Variants in CDK15 observed in about 807,000 individuals in gnomAD.
The protein encoded by CDK15 is cyclin dependent kinase 15, also known as cyclin-dependent kinase 15.
CDK15 carries 62 observed loss-of-function variants against 60.3 expected under a neutral mutation model. The ratio of observed to expected loss-of-function variants is 1.03; its 90% confidence interval spans 0.84 to 1.27. The LOEUF is 1.27. Among genes scored for constraint, CDK15 ranks in the 50% most tolerant of loss-of-function variants. The probability of loss-of-function intolerance (pLI) is 0.00; values close to 1 mark genes in which losing one functional copy is unlikely to be tolerated. For synonymous variants in CDK15, 194 were observed against 195.7 expected, an observed-to-expected ratio of 0.99 and a Z score of 0.07; for missense variants, 541 against 527.8, an observed-to-expected ratio of 1.03 and a Z score of -0.25.
At chr2:201,867,727 G>T (rs942491753) in intron 10 of CDK15, among the ~76,000 whole-genome samples, 1 of 151,464 alleles carries the variant, frequency 6.6e-6, no homozygotes, top group Non-Finnish European at 1.5e-5. Flanking sequence ...TTCCTTTCTC[G>T]TAAAGGTTTC....
intron 11 of CDK15, among the ~76,000 whole-genome samples, chr2:201,876,901 G>A (rs1291830022): frequency 2.6e-5 from 4 of 152,124 alleles, no homozygotes; most frequent in African/African-American, 4.8e-5. Flanking sequence ...GGGCTCAGGT[G>A]ATTCTCCCGC....
intron 8 of CDK15, among the ~76,000 whole-genome samples, chr2:201,838,786 A>C (rs958869640): frequency 1.2e-4 from 19 of 152,152 alleles, no homozygotes; most frequent in African/African-American, 4.1e-4. Context: ...CTGTCCTATC[A>C]ACTGTGTCCC....
At chr2:201,826,333 G>A (rs557379052) in intron 6 of CDK15, among the ~76,000 whole-genome samples, 41 of 152,022 alleles carry the variant, frequency 2.7e-4, no homozygotes, top group Admixed American at 1.6e-3. Context: ...GGTGGCGGGC[G>A]CCTGTAGTCC....
At position 201,826,704 on chromosome 2, in the gene CDK15, T is replaced by A. The variant is rs143669516; in HGVS notation, c.606+2977T>A. ...GAAATCAATATGGTGGTTAGCAACC[T>A]GCATTTTAAAAAATGAAATAAATGG... On this transcript the variant is annotated intron_variant, in intron 6 of 13. Coordinates refer to ENST00000652192, the MANE Select transcript of CDK15 (RefSeq NM_001366386.2). Among the ~76,000 whole-genome samples the A allele has an allele frequency of 4.9e-4, 75 of 152,306 alleles. 1 individual carries two copies. Among genetic ancestry groups the A allele is most frequent in the African/African-American group, 1.8e-3 (73 of 41,574 alleles).
intron 4 of CDK15, among the ~76,000 whole-genome samples, chr2:201,817,464 T>C (rs537257932): frequency 6.6e-6 from 1 of 152,252 alleles, no homozygotes; most frequent in Non-Finnish European, 1.5e-5. Flanking sequence ...CATCATGTTG[T>C]ATATTCATCA....
chr2:201,883,730 A>C (rs905527856), intron 12 of CDK15, among the ~76,000 whole-genome samples: 1 of 152,214 alleles, frequency 6.6e-6, no homozygotes, highest in Non-Finnish European at 1.5e-5. Flanking sequence ...ATGGCCAGGG[A>C]GTCGCTCTTC....
At chr2:201,858,599 T>A (rs1338267121) in intron 10 of CDK15, among the ~76,000 whole-genome samples, 1 of 152,156 alleles carries the variant, frequency 6.6e-6, no homozygotes, top group African/African-American at 2.4e-5. Flanking sequence ...TCTTTTCTCT[T>A]GGGATAGCTT....
chr2:201,875,352 C>G (rs912645009), intron 11 of CDK15, among the ~76,000 whole-genome samples: 1 of 149,270 alleles, frequency 6.7e-6, no homozygotes, highest in Non-Finnish European at 1.5e-5. Flanking sequence ...ATTGGTACAG[C>G]TCTTCTAGCT....
intron 8 of CDK15, among the ~76,000 whole-genome samples, chr2:201,845,769 C>T (rs2105771146): frequency 6.7e-6 from 1 of 150,358 alleles, no homozygotes; most frequent in South Asian, 2.1e-4. Flanking sequence ...TCATGCCACA[C>T]AAAAATGGCA....
chr2:201,821,216 A>C (rs1696205491), intron 4 of CDK15, among the ~76,000 whole-genome samples: 1 of 152,084 alleles, frequency 6.6e-6, no homozygotes, highest in South Asian at 2.1e-4. Context: ...GGGCTCTGCC[A>C]AACTTGGGTT....
At chr2:201,818,380 A>G (rs910995850) in intron 4 of CDK15, among the ~76,000 whole-genome samples, 2 of 152,240 alleles carry the variant, frequency 1.3e-5, no homozygotes, top group African/African-American at 4.8e-5. Context: ...ATACATTAAT[A>G]ATAAAAAAAC....
At chr2:201,858,799 AGAGGGAGGAG>A (rs1698255350) in intron 10 of CDK15, among the ~76,000 whole-genome samples, 1 of 152,164 alleles carries the variant, frequency 6.6e-6, no homozygotes, top group Non-Finnish European at 1.5e-5. Flanking sequence ...TCTTGAAAAA[AGAGGGAGGAG>A]AAAAAAGTGT....
Position 201,835,646 on chromosome 2 carries a change from T to A in CDK15, c.734T>A (p.Leu245His). 1 of 1,605,114 alleles carries A rather than the reference T, an allele frequency of 6.2e-7. No individual in the cohort carries two copies. Among genetic ancestry groups the A allele is most frequent in the South Asian group, 1.1e-5 (1 of 90,112 alleles). The part of the protein sequence containing the change: ...LGELKLADFG[L>H]ARAKSIPSQT... ...TATGCTTTTCCCTTTTGGACAGGTC[T>A]TGCCCGGGCCAAGTCCATTCCCAGC... is the stretch of plus-strand genomic sequence containing the variant. The change falls in exon 8 of 14, where the codon CTT (leucine) becomes CAT (histidine). Residue 245 changes from leucine to histidine, a missense_variant. Coordinates refer to ENST00000652192, the MANE Select transcript of CDK15 (RefSeq NM_001366386.2).
intron 11 of CDK15, among the ~76,000 whole-genome samples, chr2:201,873,667 C>T (rs1698950089): frequency 6.6e-6 from 1 of 152,226 alleles, no homozygotes. Context: ...CGATATAGCA[C>T]CCATGGCCTC....
chr2:201,876,867 G>A (rs1699099306), intron 11 of CDK15, among the ~76,000 whole-genome samples: 1 of 152,112 alleles, frequency 6.6e-6, no homozygotes, highest in Admixed American at 6.5e-5. Flanking sequence ...GTACGATCGT[G>A]GCTCACTGCA....
chr2:201,806,657 A>C lies in CDK15; in HGVS notation c.-8A>C. On this transcript the variant is annotated 5_prime_UTR_variant, in exon 1 of 14. Coordinates refer to ENST00000652192, the MANE Select transcript of CDK15 (RefSeq NM_001366386.2). ...AAGTGCGGGTTTTCTCCTTGAACCTACAAGATTATGGGTCAAGAGCTGTGT... is the reference window on the plus strand; with the variant it reads ...AAGTGCGGGTTTTCTCCTTGAACCTCCAAGATTATGGGTCAAGAGCTGTGT... 2 of 1,584,138 alleles carry C rather than the reference A, an allele frequency of 1.3e-6. No individual in the cohort carries two copies. The highest frequency in any genetic ancestry group is 1.7e-6 in the Non-Finnish European group (2 of 1,170,742).
chr2:201,847,416 G>T lies in CDK15; in HGVS notation c.887G>T (p.Gly296Val). The T allele has an allele frequency of 6.2e-7, 1 of 1,614,004 alleles. No homozygotes were observed. Among genetic ancestry groups the T allele is most frequent in the Non-Finnish European group, 8.5e-7 (1 of 1,179,984 alleles). Residue 296 changes from glycine to valine, a missense_variant, in exon 9 of 14, where the codon GGT (glycine) becomes GTT (valine). Gly to Val is a moderately radical substitution (Grantham distance 109). Coordinates refer to ENST00000652192, the MANE Select transcript of CDK15 (RefSeq NM_001366386.2). ...AGCIFIEMFQ[G>V]QPLFPGVSNI... ...TGCATCTTTATTGAAATGTTCCAGG[G>T]TCAACCTTTGTTTCCTGGGGTTTCC...
At chr2:201,829,157 G>A (rs1279581804) in intron 6 of CDK15, among the ~76,000 whole-genome samples, 1 of 152,222 alleles carries the variant, frequency 6.6e-6, no homozygotes, top group East Asian at 1.9e-4. Context: ...TGATGACAGT[G>A]TGGTGAATAG....
chr2:201,866,861 T>A (rs1014712585), intron 10 of CDK15, among the ~76,000 whole-genome samples: 3 of 152,160 alleles, frequency 2.0e-5, no homozygotes, highest in Non-Finnish European at 2.9e-5. Context: ...AAACAGGCGA[T>A]GGGCTTTGCT....
Sources: gnomAD v4.1 joint callset for allele counts (sites outside exome capture counted in the v4.1 genomes callset) on GRCh38, gnomAD v4.1.1 for gene constraint, MANE v1.5 for transcripts, NCBI Gene and HGNC (gene_info 2026-07-23, HGNC 2026-07-21) for gene names.